The following MOBP variants were observed in gnomAD, a reference collection of about 807,000 sequenced individuals.
MOBP encodes myelin-associated oligodendrocyte basic protein.
Under a neutral mutation model 15.0 loss-of-function variants are expected in MOBP, and 5 were observed. The ratio of observed to expected loss-of-function variants is 0.33; its 90% confidence interval spans 0.17 to 0.70. The LOEUF is 0.70. Ranked by LOEUF, MOBP falls within the 30% of genes least tolerant of loss-of-function variation. MOBP has a pLI of 0.67. For missense variants in MOBP, 188 were observed against 257.8 expected, an observed-to-expected ratio of 0.73 and a Z score of 1.85; for synonymous variants, 88 against 99.0, an observed-to-expected ratio of 0.89 and a Z score of 0.66.
chr3:39,482,951 C>T (rs548034194), intron 2 of MOBP, among the ~76,000 whole-genome samples: 1 of 152,268 alleles, frequency 6.6e-6, no homozygotes, highest in Non-Finnish European at 1.5e-5. Flanking sequence ...CATTGACTCA[C>T]TCTTCAGCTC....
At chr3:39,508,690 C>T (rs1175233579) in intron 4 of MOBP, among the ~76,000 whole-genome samples, 1 of 151,908 alleles carries the variant, frequency 6.6e-6, no homozygotes. Flanking sequence ...GCTGGGATTA[C>T]AGGCATGCGC....
chr3:39,514,994 GTGTGTGTGTGTGTGTGTGTGTA>G (rs1198144282), exon 5 of MOBP: 1 of 152,218 alleles, frequency 6.6e-6, no homozygotes, highest in African/African-American at 2.4e-5. Flanking sequence ...GTGTGTGTGT[GTGTGTGTGTGTGTGTGTGTGTA>G]TGTTGGGAAA....
intron 2 of MOBP, among the ~76,000 whole-genome samples, chr3:39,486,873 T>G (rs1164528644): frequency 6.6e-6 from 1 of 152,040 alleles, no homozygotes; most frequent in Non-Finnish European, 1.5e-5. Flanking sequence ...TGTTGCATTC[T>G]CCCAGTGTTC....
At chr3:39,516,404 G>A (rs147168617), downstream of MOBP, among the ~76,000 whole-genome samples, 359 of 152,280 alleles carry the variant, frequency 2.4e-3, no homozygotes, top group African/African-American at 8.3e-3. Flanking sequence ...GAGCAGGGGT[G>A]CCTTTTCACT....
downstream of MOBP, among the ~76,000 whole-genome samples, chr3:39,507,613 A>G (rs1027619149): frequency 1.4e-4 from 21 of 152,354 alleles, no homozygotes; most frequent in African/African-American, 4.8e-4. Flanking sequence ...CTGGAATGTT[A>G]GAGACCAGGC....
In MOBP at chr3:39,469,054, G is replaced by A. The variant is rs369211411; in HGVS notation, c.-89+1314G>A. On this transcript the variant is annotated intron_variant, in intron 1 of 3. Coordinates refer to ENST00000684792, the MANE Select transcript of MOBP (RefSeq NM_001393704.1). ...TATATACATATATACATATGTGTGT[G>A]TATATACATATATACATATGTGTGT... Among the ~76,000 whole-genome samples the A allele has an allele frequency of 8.4e-4, 36 of 42,986 alleles. 4 individuals are homozygous for A. The highest frequency in any genetic ancestry group is 4.9e-3 in the East Asian group (14 of 2,866). 28.2% of individuals were successfully genotyped at this position (42,986 alleles called of 152,430 possible).
intron 1 of MOBP, among the ~76,000 whole-genome samples, chr3:39,469,925 A>G (rs2042445094): frequency 6.6e-6 from 1 of 152,252 alleles, no homozygotes; most frequent in African/African-American, 2.4e-5. Context: ...ATAAATAGCA[A>G]TTACAGTGAC....
At chr3:39,495,806 A>G (rs1575304349) in intron 2 of MOBP, among the ~76,000 whole-genome samples, 2 of 151,886 alleles carry the variant, frequency 1.3e-5, no homozygotes, top group Admixed American at 1.3e-4. Flanking sequence ...AAGTGCATAC[A>G]GAAATGAATA....
At chr3:39,507,060 G>T (rs1002815495), downstream of MOBP, among the ~76,000 whole-genome samples, 1 of 152,118 alleles carries the variant, frequency 6.6e-6, no homozygotes, top group African/African-American at 2.4e-5. Context: ...GTCCCCTAGG[G>T]TTCCCTACTG....
exon 5 of MOBP, chr3:39,515,188 A>G (rs962431762): frequency 6.6e-6 from 1 of 152,360 alleles, no homozygotes; most frequent in Non-Finnish European, 1.5e-5. Flanking sequence ...TTAGGGCTGC[A>G]CTGTATCCTC....
At chr3:39,501,498 A>G (rs183729793) in intron 2 of MOBP, among the ~76,000 whole-genome samples, 32 of 152,248 alleles carry the variant, frequency 2.1e-4, no homozygotes, top group African/African-American at 7.5e-4. Flanking sequence ...TTCTAGCACC[A>G]TCGATTAGTT....
chr3:39,501,630 C>T (rs2042971235), intron 2 of MOBP, among the ~76,000 whole-genome samples: 1 of 152,078 alleles, frequency 6.6e-6, no homozygotes, highest in Admixed American at 6.5e-5. Flanking sequence ...GCAGTTTGTT[C>T]TTTTTCCTTG....
chr3:39,485,764 T>TC (rs997901606), intron 2 of MOBP, among the ~76,000 whole-genome samples: 2 of 152,094 alleles, frequency 1.3e-5, no homozygotes, highest in African/African-American at 4.8e-5. Context: ...TTGGCTGCTT[T>TC]CCCCCTACCT....
At chr3:39,507,529 C>G (rs113455037), downstream of MOBP, among the ~76,000 whole-genome samples, 2 of 152,082 alleles carry the variant, frequency 1.3e-5, no homozygotes, top group African/African-American at 4.8e-5. Flanking sequence ...AGAGAGAGAC[C>G]CATTAATAGG....
chr3:39,503,973 A>AG (rs2043015309), downstream of MOBP, among the ~76,000 whole-genome samples: 1 of 152,052 alleles, frequency 6.6e-6, no homozygotes, highest in Non-Finnish European at 1.5e-5. Flanking sequence ...TCACCCCGCA[A>AG]AGGTACAGTT....
downstream of MOBP, among the ~76,000 whole-genome samples, chr3:39,505,605 T>C (rs1261999147): frequency 6.6e-6 from 1 of 152,210 alleles, no homozygotes; most frequent in Non-Finnish European, 1.5e-5. Flanking sequence ...CAGATGCTTT[T>C]GCAGAGGCCT....
chr3:39,517,673 G>A (rs1363754201), downstream of MOBP: 1 of 152,160 alleles, frequency 6.6e-6, no homozygotes, highest in African/African-American at 2.4e-5. Context: ...ATAGGTTTGA[G>A]TTTAATTGAC....
chr3:39,511,950 AT>A (rs2043125159), intron 4 of MOBP, among the ~76,000 whole-genome samples: 1 of 152,196 alleles, frequency 6.6e-6, no homozygotes, highest in Non-Finnish European at 1.5e-5. Flanking sequence ...TTAAGTACTT[AT>A]TCTAAGTCAC....
chr3:39,482,761 A>C (rs1231920558), intron 2 of MOBP, among the ~76,000 whole-genome samples: 3 of 151,378 alleles, frequency 2.0e-5, no homozygotes, highest in Middle Eastern at 3.2e-3. Context: ...TCTACCTAGC[A>C]TGTCAGTTCA....
Sources: gnomAD v4.1 joint callset for allele counts (sites outside exome capture counted in the v4.1 genomes callset) on GRCh38, gnomAD v4.1.1 for gene constraint, MANE v1.5 for transcripts, NCBI Gene and HGNC (gene_info 2026-07-23, HGNC 2026-07-21) for gene names.